Variants in ASCC3 observed in about 807,000 individuals in gnomAD.
ASCC3 encodes activating signal cointegrator 1 complex subunit 3.
A neutral mutation model predicts 256.3 loss-of-function variants in ASCC3; 158 were observed. The ratio of observed to expected loss-of-function variants is 0.62; its 90% confidence interval spans 0.54 to 0.70. The LOEUF (loss-of-function observed/expected upper bound fraction) is 0.70. Among genes scored for constraint, ASCC3 ranks in the 30% least tolerant of loss-of-function variants. The pLI, the probability that ASCC3 is intolerant of heterozygous loss-of-function variation, is 0.00. For missense variants in ASCC3, 2,259 were observed against 2,626.0 expected (o/e 0.86, Z 3.05); for synonymous variants, 948 against 883.4 (o/e 1.07, Z -1.30).
chr6:100,655,800 T>C lies in ASCC3; in HGVS notation c.2722A>G (p.Thr908Ala), dbSNP rs200003205. 2 of 1,611,488 alleles carry C rather than the reference T, an allele frequency of 1.2e-6. No individual in the cohort carries two copies. The highest frequency in any genetic ancestry group is 1.7e-6 in the Non-Finnish European group (2 of 1,178,946). Reference protein sequence around the residue: ...LNAEIALGTVTNVEEAVKWIS... With the variant: ...LNAEIALGTVANVEEAVKWIS... ...CACTTCACTGCTTCTTCCACATTAG[T>C]AACTGTTCCCAGAGCAATCTGCAAA... The change falls in exon 17 of 42, where the codon ACT becomes GCT. Residue 908 changes from threonine to alanine, a missense_variant. By Grantham distance (58) the Thr-to-Ala change is moderately conservative. Around this residue, in one of 2 missense-constraint regions of ASCC3, gnomAD observed 1,839 missense variants for 2,206.7 expected, o/e 0.83. Coordinates refer to ENST00000369162, the MANE Select transcript of ASCC3 (RefSeq NM_006828.4).
intron 40 of ASCC3, 152 bp from the exon 41 acceptor site, chr6:100,510,259 G>A: frequency 2.5e-6 from 2 of 811,480 alleles, no homozygotes; most frequent in Non-Finnish European, 4.0e-6. Flanking sequence ...CTTCCATTCT[G>A]GTTTGGTGTC....
chr6:100,877,958 AAACT>A (rs1319944277), intron 1 of ASCC3, among the ~76,000 whole-genome samples: 2 of 152,200 alleles, frequency 1.3e-5, no homozygotes, highest in Non-Finnish European at 1.5e-5. Context: ...TCATCTAAAG[AAACT>A]GTGATACATT....
At chr6:100,650,772 A>G in intron 19 of ASCC3, 58 bp from the exon 20 acceptor site, 1 of 1,353,174 alleles carries the variant, frequency 7.4e-7, no homozygotes, top group Non-Finnish European at 1.0e-6. Flanking sequence ...AATTTTTCAC[A>G]TTGAAATTAA....
chr6:100,594,887 A>T (rs907966867), intron 34 of ASCC3, among the ~76,000 whole-genome samples: 12 of 152,294 alleles, frequency 7.9e-5, no homozygotes, highest in African/African-American at 2.6e-4. Context: ...ACCAACATGG[A>T]TAAATCTAGA....
intron 16 of ASCC3, among the ~76,000 whole-genome samples, chr6:100,659,238 TA>T (rs1776070035): frequency 6.6e-6 from 1 of 151,466 alleles, no homozygotes; most frequent in Non-Finnish European, 1.5e-5. Context: ...TTGGGGAATT[TA>T]AAGACTTAAA....
At chr6:100,598,555 T>G (rs1290872099) in intron 34 of ASCC3, among the ~76,000 whole-genome samples, 1 of 152,174 alleles carries the variant, frequency 6.6e-6, no homozygotes, top group African/African-American at 2.4e-5. Flanking sequence ...CTACTGTTTA[T>G]TACAGTTTCA....
chr6:100,783,171 T>C (rs1404991708), intron 8 of ASCC3, among the ~76,000 whole-genome samples: 1 of 152,178 alleles, frequency 6.6e-6, no homozygotes, highest in Non-Finnish European at 1.5e-5. Context: ...AGAAACAAAA[T>C]AGTAAGTTAA....
intron 22 of ASCC3, among the ~76,000 whole-genome samples, chr6:100,645,362 T>A (rs184421808): frequency 2.6e-5 from 4 of 151,930 alleles, no homozygotes; most frequent in South Asian, 2.1e-4. Context: ...TTATTATTAT[T>A]ATAATAATAA....
Position 100,672,107 on chromosome 6 carries a change from C to T in ASCC3, c.2286+7511G>A, listed in dbSNP as rs1309198162. On this transcript the variant is annotated intron_variant, in intron 14 of 41. Coordinates refer to ENST00000369162, the MANE Select transcript of ASCC3 (RefSeq NM_006828.4). Reference sequence around the variant, plus strand: ...TTAAATGTCACTTTGTTGGTCAACACCATCCTCTAACACCATGGGTCTAGA... The same window carrying T: ...TTAAATGTCACTTTGTTGGTCAACATCATCCTCTAACACCATGGGTCTAGA... Among the ~76,000 whole-genome samples the T allele has an allele frequency of 3.3e-5, 5 of 152,044 alleles. No homozygotes were observed. In the East Asian group the frequency reaches 9.6e-4, roughly 29 times the overall value.
intron 14 of ASCC3, among the ~76,000 whole-genome samples, chr6:100,671,728 T>C (rs1776756432): frequency 1.3e-5 from 2 of 152,078 alleles, no homozygotes; most frequent in Admixed American, 6.6e-5. Flanking sequence ...TCCACGACTT[T>C]ACATAACGTT....
At chr6:100,801,112 A>C (rs1432081305) in intron 5 of ASCC3, among the ~76,000 whole-genome samples, 2 of 152,118 alleles carry the variant, frequency 1.3e-5, no homozygotes, top group Admixed American at 6.6e-5. Context: ...AAGTGAATTA[A>C]ATCTCAATGT....
intron 36 of ASCC3, among the ~76,000 whole-genome samples, chr6:100,572,578 C>T (rs550340882): frequency 1.3e-5 from 2 of 152,160 alleles, no homozygotes; most frequent in South Asian, 4.2e-4. Context: ...GGTAACTGTT[C>T]TGTTTTCAAT....
At chr6:100,585,038 G>C (rs991465199) in intron 36 of ASCC3, among the ~76,000 whole-genome samples, 6 of 152,104 alleles carry the variant, frequency 3.9e-5, no homozygotes, top group African/African-American at 1.4e-4. Context: ...CAACTTTGGT[G>C]AATCTGACAC....
At chr6:100,678,539 A>G (rs1777139498) in intron 14 of ASCC3, among the ~76,000 whole-genome samples, 1 of 152,138 alleles carries the variant, frequency 6.6e-6, no homozygotes, top group South Asian at 2.1e-4. Context: ...AATTTATAGT[A>G]CAGTCACAAT....
At chr6:100,521,216 C>T (rs987335671) in intron 37 of ASCC3, among the ~76,000 whole-genome samples, 1 of 152,046 alleles carries the variant, frequency 6.6e-6, no homozygotes, top group Admixed American at 6.6e-5. Flanking sequence ...AAGACCCTAA[C>T]TTTACTTAAT....
chr6:100,630,613 G>A (rs1320307291), intron 26 of ASCC3, among the ~76,000 whole-genome samples: 1 of 150,600 alleles, frequency 6.6e-6, no homozygotes, highest in Non-Finnish European at 1.5e-5. Flanking sequence ...ATGCTCTACT[G>A]GAAATTCGTT....
chr6:100,571,108 C>T (rs1311174472), intron 36 of ASCC3, among the ~76,000 whole-genome samples: 3 of 152,130 alleles, frequency 2.0e-5, no homozygotes, highest in Non-Finnish European at 4.4e-5. Flanking sequence ...TTACTATGGC[C>T]CTAGATGATG....
chr6:100,525,134 G>A (rs1774502711), intron 37 of ASCC3, among the ~76,000 whole-genome samples: 2 of 124,270 alleles, frequency 1.6e-5, no homozygotes, highest in African/African-American at 3.0e-5. Context: ...TCCAGTGTGG[G>A]TGACAGAGTG....
intron 30 of ASCC3, among the ~76,000 whole-genome samples, chr6:100,622,898 C>T (rs1308946370): frequency 6.6e-6 from 1 of 151,952 alleles, no homozygotes; most frequent in Non-Finnish European, 1.5e-5. Context: ...AAATTAACAA[C>T]AACAACAAAA....
Sources: gnomAD v4.1 joint callset for allele counts (sites outside exome capture counted in the v4.1 genomes callset) on GRCh38, gnomAD v4.1.1 for gene constraint, gnomAD v4.1.1 regional missense constraint, MANE v1.5 for transcripts, NCBI Gene and HGNC (gene_info 2026-07-23, HGNC 2026-07-21) for gene names.